The following SLC24A3 variants were observed in gnomAD, a reference collection of about 807,000 sequenced individuals.
SLC24A3 encodes sodium/potassium/calcium exchanger 3.
Under a neutral mutation model 75.8 loss-of-function variants are expected in SLC24A3, and 28 were observed. That is an observed-to-expected ratio of 0.37 (90% CI 0.27 to 0.51). The LOEUF (loss-of-function observed/expected upper bound fraction) is 0.51. SLC24A3 is among the 20% of genes least tolerant of loss of function. SLC24A3 has a pLI of 0.94. For synonymous variants in SLC24A3, 372 were observed against 334.1 expected (o/e 1.11, Z -1.24); for missense variants, 663 against 847.8 (o/e 0.78, Z 2.71).
At chr20:19,594,253 C>T (rs1221508385) in intron 6 of SLC24A3, among the ~76,000 whole-genome samples, 2 of 152,188 alleles carry the variant, frequency 1.3e-5, no homozygotes, top group African/African-American at 2.4e-5. Context: ...CTCCTATCAA[C>T]CCCCTACACA....
At chr20:19,597,402 AAAAAT>A (rs1321581801) in intron 6 of SLC24A3, among the ~76,000 whole-genome samples, 1 of 152,172 alleles carries the variant, frequency 6.6e-6, no homozygotes, top group Non-Finnish European at 1.5e-5. Flanking sequence ...AAATAACCCC[AAAAAT>A]AAAATAAAAT....
intron 2 of SLC24A3, among the ~76,000 whole-genome samples, chr20:19,440,887 G>A (rs1332264752): frequency 6.6e-6 from 1 of 152,094 alleles, no homozygotes; most frequent in Non-Finnish European, 1.5e-5. Context: ...GCCTCAGGGT[G>A]CATTTGGATA....
At chr20:19,278,858 G>T (rs778746169) in intron 1 of SLC24A3, among the ~76,000 whole-genome samples, 13 of 152,240 alleles carry the variant, frequency 8.5e-5, no homozygotes, top group Non-Finnish European at 1.5e-4. Context: ...TGGAAGCAGG[G>T]TCTGTGTTTG....
intron 2 of SLC24A3, among the ~76,000 whole-genome samples, chr20:19,460,962 C>T (rs1049211516): frequency 4.6e-5 from 7 of 152,166 alleles, no homozygotes; most frequent in African/African-American, 1.7e-4. Flanking sequence ...GAGTCATGTC[C>T]TAGAGAAGAC....
At chr20:19,410,630 A>G (rs1986727082) in intron 2 of SLC24A3, among the ~76,000 whole-genome samples, 1 of 152,180 alleles carries the variant, frequency 6.6e-6, no homozygotes, top group Non-Finnish European at 1.5e-5. Flanking sequence ...GATTCCAAAA[A>G]GCCGAAACCA....
chr20:19,509,346 G>A (rs1044254652), intron 2 of SLC24A3, among the ~76,000 whole-genome samples: 3 of 152,178 alleles, frequency 2.0e-5, no homozygotes, highest in Non-Finnish European at 4.4e-5. Context: ...TTTTGGATTT[G>A]GCGCTAGGAT....
chr20:19,706,365 C>T (rs2032930150), intron 15 of SLC24A3, among the ~76,000 whole-genome samples: 1 of 152,168 alleles, frequency 6.6e-6, no homozygotes, highest in Non-Finnish European at 1.5e-5. Flanking sequence ...GATGCCTGCT[C>T]TCCTAAGGGC....
intron 2 of SLC24A3, among the ~76,000 whole-genome samples, chr20:19,435,202 TGCAGA>T (rs1468432419): frequency 1.3e-5 from 2 of 152,222 alleles, no homozygotes; most frequent in Non-Finnish European, 2.9e-5. Context: ...AATTACCAGC[TGCAGA>T]AAGTTGGGAA....
At chr20:19,639,473 G>A (rs1405363463) in intron 6 of SLC24A3, among the ~76,000 whole-genome samples, 2 of 152,262 alleles carry the variant, frequency 1.3e-5, no homozygotes, top group Non-Finnish European at 2.9e-5. Context: ...CCTTGAGCTA[G>A]ATACAGAGTG....
chr20:19,677,686 CTTTT>C lies in SLC24A3; in HGVS notation c.767+4049_767+4052del, dbSNP rs796484728. ...ACTCTTTTAGGATTCTTTTTTTTTT[CTTTT>C]TTTTTTTTTTTTTTTTAATTTTCAT... On this transcript the variant is annotated intron_variant, in intron 9 of 16. Transcript: ENST00000328041. Among the ~76,000 whole-genome samples the C allele has an allele frequency of 8.5e-3, 966 of 113,962 alleles. 2 individuals are homozygous for C. Among genetic ancestry groups the C allele is most frequent in the Middle Eastern group, 0.02 (4 of 198 alleles). The allele number at this position is 113,962 out of a possible 152,430, so 74.8% of individuals were successfully genotyped here. A position where few individuals can be genotyped will look rare whatever the true frequency, so the allele number is the denominator to read the frequency against.
rs974002903 is a variant in SLC24A3 at position 19,673,509 on chromosome 20, G to T, written c.714-92G>T. 22 of 1,086,574 alleles carry T rather than the reference G, an allele frequency of 2.0e-5. No individual in the cohort carries two copies. In the Admixed American group the frequency reaches 3.1e-4, roughly 15 times the overall value. The allele number at this position is 1,086,574 out of a possible 1,614,324, so 67.3% of individuals were successfully genotyped here. A position where few individuals can be genotyped will look rare whatever the true frequency, so the allele number is the denominator to read the frequency against. On this transcript the variant is annotated intron_variant, in intron 8 of 16. Coordinates refer to ENST00000328041, the MANE Select transcript of SLC24A3 (RefSeq NM_020689.4). ...CCGTCTGCCTTCTCCTTACTATCCT[G>T]GCCGTTTGCATCAAATATGTCTTTA...
intron 2 of SLC24A3, among the ~76,000 whole-genome samples, chr20:19,427,172 G>A (rs1415722734): frequency 6.6e-6 from 1 of 152,150 alleles, no homozygotes; most frequent in Non-Finnish European, 1.5e-5. Context: ...ATCTGAACAC[G>A]TGGAGTTTGG....
At chr20:19,580,519 C>T (rs2031204707) in intron 4 of SLC24A3, among the ~76,000 whole-genome samples, 1 of 152,120 alleles carries the variant, frequency 6.6e-6, no homozygotes, top group South Asian at 2.1e-4. Flanking sequence ...TGCTTCCTCT[C>T]TCTGTATATG....
chr20:19,413,639 C>A lies in SLC24A3; in HGVS notation c.272-101849C>A, dbSNP rs573065436. ...CCCCCAACCTCACCTTTGCAGCAGA[C>A]TGATGATTACATTTTGATTTGCAAC... On this transcript the variant is annotated intron_variant, in intron 2 of 16. Transcript: ENST00000328041. Among the ~76,000 whole-genome samples the A allele has an allele frequency of 4.6e-5, 7 of 152,254 alleles. 1 individual carries two copies. In the South Asian group the frequency reaches 1.5e-3, roughly 32 times the overall value.
chr20:19,645,629 T>C (rs2032127807), intron 6 of SLC24A3, among the ~76,000 whole-genome samples: 1 of 152,134 alleles, frequency 6.6e-6, no homozygotes, highest in Non-Finnish European at 1.5e-5. Flanking sequence ...TTCAGATTTT[T>C]CCAAGAGAAA....
At position 19,414,502 on chromosome 20, in the gene SLC24A3, C is replaced by A. The variant is rs150101895; in HGVS notation, c.272-100986C>A. On this transcript the variant is annotated intron_variant, in intron 2 of 16. Coordinates refer to ENST00000328041, the MANE Select transcript of SLC24A3 (RefSeq NM_020689.4). Reference sequence around the variant, plus strand: ...GTATGTGTGTAAAGAGTTTGTGTGGCATGAAAAAACTTTTAAGATATAACA... The same window carrying A: ...GTATGTGTGTAAAGAGTTTGTGTGGAATGAAAAAACTTTTAAGATATAACA... 3.4e-3 allele frequency among the ~76,000 whole-genome samples: 516 copies of A among 152,108 alleles called. 12 individuals are homozygous for A. The highest frequency in any genetic ancestry group is 0.032 in the Admixed American group (482 of 15,282).
chr20:19,717,447 T>A, intron 15 of SLC24A3, 81 bp from the exon 16 acceptor site: 1 of 1,427,020 alleles, frequency 7.0e-7, no homozygotes, highest in Non-Finnish European at 9.8e-7. Flanking sequence ...CAGAGTTGCG[T>A]AGGCAGATGC....
At chr20:19,555,904 A>T (rs2030775268) in intron 3 of SLC24A3, among the ~76,000 whole-genome samples, 1 of 152,204 alleles carries the variant, frequency 6.6e-6, no homozygotes, top group African/African-American at 2.4e-5. Context: ...TGAAATAATT[A>T]ACAAAATAGC....
intron 6 of SLC24A3, among the ~76,000 whole-genome samples, chr20:19,646,757 G>T (rs1262249710): frequency 6.6e-6 from 1 of 151,992 alleles, no homozygotes; most frequent in African/African-American, 2.4e-5. Flanking sequence ...CACTACTCCT[G>T]ATTTAAAATG....
Sources: allele counts gnomAD v4.1 joint callset (sites outside exome capture counted in the v4.1 genomes callset), GRCh38; gene constraint gnomAD v4.1.1; transcripts MANE v1.5; gene names NCBI Gene and HGNC (gene_info 2026-07-23, HGNC 2026-07-21).